The following FGF12 variants were observed in gnomAD, a reference collection of about 807,000 sequenced individuals.
FGF12 encodes fibroblast growth factor 12B.
Under a neutral mutation model 23.6 loss-of-function variants are expected in FGF12, and 14 were observed. The observed-to-expected ratio is 0.59, with a 90% confidence interval of 0.39 to 0.93. The LOEUF is 0.93. FGF12 is among the 40% of genes least tolerant of loss of function. The probability of loss-of-function intolerance (pLI) is 0.00; values close to 1 mark genes in which losing one functional copy is unlikely to be tolerated. For missense variants in FGF12, 175 were observed against 217.8 expected (o/e 0.80, Z 1.24); for synonymous variants, 62 against 77.3 (o/e 0.80, Z 1.04).
At chr3:192,690,174 C>A (rs1016287916) in intron 2 of FGF12, among the ~76,000 whole-genome samples, 8 of 151,808 alleles carry the variant, frequency 5.3e-5, no homozygotes, top group African/African-American at 1.9e-4. Context: ...TGGGATGAAA[C>A]AAAAGGCTTA....
chr3:192,503,946 T>G (rs966499695), intron 2 of FGF12, among the ~76,000 whole-genome samples: 5 of 152,010 alleles, frequency 3.3e-5, no homozygotes, highest in Admixed American at 6.6e-5. Context: ...AACCTAAATG[T>G]CCATCAGTGG....
intron 2 of FGF12, among the ~76,000 whole-genome samples, chr3:192,361,561 C>T (rs542249636): frequency 1.3e-5 from 2 of 152,248 alleles, no homozygotes; most frequent in East Asian, 1.9e-4. Context: ...GAAGGACAAT[C>T]GCTGAATTTA....
intron 2 of FGF12, among the ~76,000 whole-genome samples, chr3:192,557,791 C>A (rs144162334): frequency 6.6e-6 from 1 of 151,532 alleles, no homozygotes; most frequent in Non-Finnish European, 1.5e-5. Context: ...AGGTGATATA[C>A]CATAATAACA....
intron 3 of FGF12, 103 bp from the exon 4 acceptor site, chr3:192,335,567 G>A: frequency 9.6e-6 from 7 of 731,516 alleles, no homozygotes; most frequent in South Asian, 3.5e-5. Flanking sequence ...AATTGAACTT[G>A]GTAGAAAAAT....
chr3:192,528,971 C>CA (rs1326618855), intron 2 of FGF12, among the ~76,000 whole-genome samples: 1 of 152,146 alleles, frequency 6.6e-6, no homozygotes, highest in East Asian at 1.9e-4. Context: ...GAAGGGGTGC[C>CA]ATGAAGACCT....
intron 2 of FGF12, among the ~76,000 whole-genome samples, chr3:192,696,742 G>A (rs530892798): frequency 5.9e-5 from 9 of 151,932 alleles, no homozygotes; most frequent in East Asian, 5.8e-4. Context: ...AGGGGCTAGC[G>A]GTCTTGTTAA....
At chr3:192,227,875 A>C (rs1718822321) in intron 4 of FGF12, among the ~76,000 whole-genome samples, 1 of 152,204 alleles carries the variant, frequency 6.6e-6, no homozygotes, top group African/African-American at 2.4e-5. Flanking sequence ...TAGTTGAAGC[A>C]AGGGGAATGT....
At chr3:192,716,626 C>T (rs1995574) in intron 2 of FGF12, among the ~76,000 whole-genome samples, 11,706 of 152,174 alleles carry the variant, frequency 0.077, 852 homozygotes, top group East Asian at 0.19. Flanking sequence ...CAGCCCCATA[C>T]AGAAGCAGAG....
intron 2 of FGF12, among the ~76,000 whole-genome samples, chr3:192,650,855 G>A (rs1490464497): frequency 1.3e-5 from 2 of 152,118 alleles, no homozygotes; most frequent in Non-Finnish European, 2.9e-5. Flanking sequence ...CATCCGACAA[G>A]ATAGCTTGAA....
At chr3:192,700,103 C>T (rs981552317) in intron 2 of FGF12, among the ~76,000 whole-genome samples, 4 of 152,176 alleles carry the variant, frequency 2.6e-5, no homozygotes, top group African/African-American at 7.2e-5. Context: ...GTAATTAGCA[C>T]GTTTCCAGAG....
rs371974661 is a variant in FGF12, at chr3:192,727,172, A to T, written c.13+9T>A. The T allele has an allele frequency of 1.7e-5, 27 of 1,578,134 alleles. No homozygotes were observed. The East Asian group carries it at 2.8e-4, about 16-fold the overall frequency. On this transcript the variant is annotated intron_variant, in intron 2 of 5. Coordinates refer to ENST00000445105, the MANE Select transcript of FGF12 (RefSeq NM_004113.6). ...AGCGGGAAGTCCCCCGATAGGGACA[A>T]CCACATACCTTTGCTCTCCATTTCG...
At chr3:192,167,730 G>GATATAT (rs1715248649) in intron 5 of FGF12, among the ~76,000 whole-genome samples, 1 of 33,688 alleles carries the variant, frequency 3.0e-5, no homozygotes, top group African/African-American at 1.7e-4. Context: ...GTAGGTTATA[G>GATATAT]GTATATATAT....
intron 4 of FGF12, among the ~76,000 whole-genome samples, chr3:192,275,037 T>G (rs1276494453): frequency 6.6e-6 from 1 of 152,196 alleles, no homozygotes; most frequent in Non-Finnish European, 1.5e-5. Context: ...ATGTTTTAGA[T>G]TAAAGATGAT....
chr3:192,701,057 T>G (rs1718277254), intron 2 of FGF12, among the ~76,000 whole-genome samples: 1 of 152,190 alleles, frequency 6.6e-6, no homozygotes, highest in South Asian at 2.1e-4. Flanking sequence ...GGCACCTTTT[T>G]AAGTCTGATA....
At chr3:192,542,913 T>G (rs1234405690) in intron 2 of FGF12, among the ~76,000 whole-genome samples, 1 of 152,038 alleles carries the variant, frequency 6.6e-6, no homozygotes, top group Non-Finnish European at 1.5e-5. Context: ...ACACAAATAC[T>G]CCTGTTGTCA....
chr3:192,466,687 T>A (rs1723021650), intron 2 of FGF12, among the ~76,000 whole-genome samples: 1 of 152,228 alleles, frequency 6.6e-6, no homozygotes, highest in African/African-American at 2.4e-5. Flanking sequence ...GCAAATTTCC[T>A]GTGAGGAAGC....
chr3:192,464,423 T>G (rs1377990673), intron 2 of FGF12, among the ~76,000 whole-genome samples: 1 of 151,930 alleles, frequency 6.6e-6, no homozygotes, highest in Non-Finnish European at 1.5e-5. Context: ...TCACTTAGAA[T>G]AGCGGTCTCC....
intron 2 of FGF12, among the ~76,000 whole-genome samples, chr3:192,382,187 G>A (rs1395687328): frequency 6.6e-6 from 1 of 152,048 alleles, no homozygotes; most frequent in Non-Finnish European, 1.5e-5. Flanking sequence ...TCGTAGAGAA[G>A]TGGTTTCCCC....
intron 4 of FGF12, among the ~76,000 whole-genome samples, chr3:192,219,246 G>A (rs1034286275): frequency 2.6e-5 from 4 of 151,842 alleles, no homozygotes; most frequent in Admixed American, 1.3e-4. Context: ...CACCATACCC[G>A]ACTGATTTTT....
Sources: gnomAD v4.1 joint callset for allele counts (sites outside exome capture counted in the v4.1 genomes callset) on GRCh38, gnomAD v4.1.1 for gene constraint, MANE v1.5 for transcripts, NCBI Gene and HGNC (gene_info 2026-07-23, HGNC 2026-07-21) for gene names.